Variants in CNTN5 observed in about 807,000 individuals in gnomAD.
The protein encoded by CNTN5 is contactin 5, also known as contactin-5.
A neutral mutation model predicts 129.1 loss-of-function variants in CNTN5; 77 were observed. The observed-to-expected ratio is 0.60, with a 90% CI of 0.50 to 0.72. The LOEUF (loss-of-function observed/expected upper bound fraction) is 0.72, where lower values mean the gene tolerates loss of function less well. CNTN5 is among the 30% of genes least tolerant of loss of function. The pLI is 0.00. For missense variants in CNTN5, 1,478 were observed against 1,328.8 expected (o/e 1.11, Z -1.75); for synonymous variants, 509 against 465.6 (o/e 1.09, Z -1.20).
At chr11:99,721,271 T>C (rs1943162061) in intron 3 of CNTN5, among the ~76,000 whole-genome samples, 1 of 152,166 alleles carries the variant, frequency 6.6e-6, no homozygotes, top group South Asian at 2.1e-4. Flanking sequence ...AACAACATGG[T>C]AGTGGTGGAA....
At chr11:99,055,839 T>A (rs1338177234) in intron 1 of CNTN5, among the ~76,000 whole-genome samples, 4 of 152,014 alleles carry the variant, frequency 2.6e-5, no homozygotes, top group Non-Finnish European at 4.4e-5. Flanking sequence ...TCACTGTTGG[T>A]TCTGAATGCA....
intron 1 of CNTN5, among the ~76,000 whole-genome samples, chr11:99,153,859 A>G (rs1275975298): frequency 1.4e-5 from 1 of 70,850 alleles, no homozygotes; most frequent in African/African-American, 5.7e-5. Context: ...TGATGCTCTT[A>G]TTTGGTATAA....
intron 3 of CNTN5, among the ~76,000 whole-genome samples, chr11:99,709,524 G>A (rs1023138896): frequency 6.6e-6 from 1 of 151,708 alleles, no homozygotes; most frequent in Non-Finnish European, 1.5e-5. Flanking sequence ...AGACACATAT[G>A]CATATATACA....
intron 18 of CNTN5, among the ~76,000 whole-genome samples, chr11:100,294,074 C>T (rs954341176): frequency 6.6e-6 from 1 of 151,542 alleles, no homozygotes; most frequent in African/African-American, 2.4e-5. Flanking sequence ...AACCAATTGC[C>T]AGATAACCAT....
chr11:99,845,221 T>G lies in CNTN5; in HGVS notation c.536T>G (p.Val179Gly). The change falls in exon 6 of 25, where the codon GTG becomes GGG. Residue 179 changes from valine to glycine, a missense_variant. By Grantham distance (109) the Val-to-Gly change is moderately radical. Transcript: ENST00000524871. ...TATCAGTGTTTAGCAACCAACACTG[T>G]GGGGAGTATTCTTAGTAGAGAAGCT... is the stretch of plus-strand genomic sequence containing the variant. ...GHYQCLATNTVGSILSREATL... is the reference protein window; with the variant it reads ...GHYQCLATNTGGSILSREATL... 2 of 1,613,406 alleles carry G rather than the reference T, an allele frequency of 1.2e-6. No individual in the cohort carries two copies. Among genetic ancestry groups the G allele is most frequent in the Non-Finnish European group, 1.7e-6 (2 of 1,179,638 alleles).
At chr11:99,465,948 C>A (rs979408187) in intron 2 of CNTN5, among the ~76,000 whole-genome samples, 1 of 138,924 alleles carries the variant, frequency 7.2e-6, no homozygotes, top group African/African-American at 2.7e-5. Flanking sequence ...GTGGTGCGAT[C>A]TCGGCTCACT....
chr11:99,664,058 G>A (rs668050), intron 3 of CNTN5, among the ~76,000 whole-genome samples: 77,867 of 151,964 alleles, frequency 0.51, 20,859 homozygotes, highest in Admixed American at 0.67. Context: ...TTGGAACGGC[G>A]CGGGTAGAGA....
chr11:99,163,592 C>T (rs1196833148), intron 1 of CNTN5, among the ~76,000 whole-genome samples: 2 of 152,022 alleles, frequency 1.3e-5, no homozygotes, highest in Non-Finnish European at 2.9e-5. Context: ...TCTTAGTATA[C>T]TTCTTTACCT....
Position 99,832,787 on chromosome 11 carries a change from T to C in CNTN5, c.278-12065T>C, listed in dbSNP as rs2135621326. Among the ~76,000 whole-genome samples the C allele has an allele frequency of 2.0e-5, 3 of 152,320 alleles. No individual in the cohort carries two copies. The South Asian group carries it at 6.2e-4, about 32-fold the overall frequency. On this transcript the variant is annotated intron_variant, in intron 4 of 24. Transcript: ENST00000524871. ...ATTAAAATGGCATTTCTTAAAATTT[T>C]ATTGGGCATGATAGGCTGCTATTTC...
At chr11:99,601,980 C>A (rs946334735) in intron 3 of CNTN5, among the ~76,000 whole-genome samples, 1 of 152,008 alleles carries the variant, frequency 6.6e-6, no homozygotes, top group Non-Finnish European at 1.5e-5. Flanking sequence ...ACTATATATA[C>A]CTATATACCT....
intron 2 of CNTN5, among the ~76,000 whole-genome samples, chr11:99,376,947 A>C (rs1325656003): frequency 6.6e-6 from 1 of 152,182 alleles, no homozygotes; most frequent in African/African-American, 2.4e-5. Flanking sequence ...GAGAGACAAT[A>C]CACCATTGTG....
At chr11:99,956,063 G>GTTTA (rs1010115963) in intron 7 of CNTN5, among the ~76,000 whole-genome samples, 2 of 151,656 alleles carry the variant, frequency 1.3e-5, no homozygotes, top group Admixed American at 1.3e-4. Context: ...ACATAATAAT[G>GTTTA]TTTAGTTAGG....
intron 2 of CNTN5, among the ~76,000 whole-genome samples, chr11:99,458,179 G>T (rs1417115707): frequency 1.3e-5 from 2 of 151,846 alleles, no homozygotes; most frequent in African/African-American, 4.8e-5. Context: ...ATTAACTATT[G>T]TTAAGAAAAG....
At chr11:100,145,738 A>G (rs1165089978) in intron 13 of CNTN5, among the ~76,000 whole-genome samples, 2 of 152,114 alleles carry the variant, frequency 1.3e-5, no homozygotes, top group African/African-American at 2.4e-5. Flanking sequence ...CTAGGGATTT[A>G]GGTCTCAAAA....
At chr11:99,717,413 G>A (rs191096984) in intron 3 of CNTN5, among the ~76,000 whole-genome samples, 1 of 152,132 alleles carries the variant, frequency 6.6e-6, no homozygotes, top group Admixed American at 6.6e-5. Flanking sequence ...GGAAGTTATT[G>A]CTAGGAGTTA....
chr11:99,752,383 C>G (rs11221224), intron 3 of CNTN5, among the ~76,000 whole-genome samples: 38,597 of 152,050 alleles, frequency 0.25, 5,702 homozygotes, highest in East Asian at 0.64. Flanking sequence ...GCAAACTACT[C>G]TGGTGATTGG....
intron 13 of CNTN5, among the ~76,000 whole-genome samples, 172 bp from the exon 14 acceptor site, chr11:100,190,954 T>G (rs563666196): frequency 1.3e-5 from 2 of 152,270 alleles, no homozygotes; most frequent in East Asian, 3.9e-4. Context: ...TAAGTAAGCT[T>G]ATTATACTTC....
intron 1 of CNTN5, among the ~76,000 whole-genome samples, chr11:99,130,971 G>T (rs914091944): frequency 6.6e-6 from 1 of 151,974 alleles, no homozygotes; most frequent in Non-Finnish European, 1.5e-5. Context: ...GTGTTAAGAG[G>T]GAAATTTATG....
intron 2 of CNTN5, among the ~76,000 whole-genome samples, chr11:99,464,153 T>C (rs1212830306): frequency 6.6e-6 from 1 of 152,222 alleles, no homozygotes; most frequent in East Asian, 1.9e-4. Context: ...GTGTGCTAAG[T>C]GTTCCTTGGA....
Sources: gnomAD v4.1 joint callset for allele counts (sites outside exome capture counted in the v4.1 genomes callset) on GRCh38, gnomAD v4.1.1 for gene constraint, MANE v1.5 for transcripts, NCBI Gene and HGNC (gene_info 2026-07-23, HGNC 2026-07-21) for gene names.